ILDR2: variants seen among roughly 807,000 people sequenced by gnomAD.
ILDR2 encodes immunoglobulin like domain containing receptor 2.
In ILDR2, 25 loss-of-function variants were observed where a neutral mutation model predicts 66.8. The observed-to-expected ratio is 0.37, with a 90% confidence interval of 0.27 to 0.52. ILDR2 has a LOEUF of 0.52. Ranked by LOEUF, ILDR2 falls within the 20% of genes least tolerant of loss-of-function variation. The probability of loss-of-function intolerance (pLI) is 0.88; values close to 1 mark genes in which losing one functional copy is unlikely to be tolerated. For synonymous variants in ILDR2, 367 were observed against 357.2 expected, an observed-to-expected ratio of 1.03 and a Z score of -0.31; for missense variants, 827 against 876.8, an observed-to-expected ratio of 0.94 and a Z score of 0.72.
intron 3 of ILDR2, among the ~76,000 whole-genome samples, chr1:166,953,748 A>C (rs1484163512): frequency 6.6e-6 from 1 of 152,208 alleles, no homozygotes; most frequent in East Asian, 1.9e-4. Context: ...CTTATTCATC[A>C]AGGGAGTCAC....
At chr1:166,939,448 A>T in intron 4 of ILDR2, 66 bp downstream of exon 4, 1 of 1,311,408 alleles carries the variant, frequency 7.6e-7, no homozygotes, top group Non-Finnish European at 1.1e-6. Flanking sequence ...ATTAGCGACT[A>T]ATGCAGAAGC....
rs1018594466 is a variant in ILDR2 at position 166,913,355 on chromosome 1, C to A, written c.*6000G>T. On this transcript the variant is annotated 3_prime_UTR_variant, in exon 10 of 10. Transcript: ENST00000271417. ...AAAGACAACTGACAGGTGGCCCTCA[C>A]GAAGCCAACTTCTCACCCTTCTCTG... The A allele has an allele frequency of 2.0e-5, 3 of 152,158 alleles. No individual in the cohort carries two copies. Among genetic ancestry groups the A allele is most frequent in the South Asian group, 2.1e-4 (1 of 4,818 alleles). The allele number at this position is 152,158 out of a possible 1,614,324, so 9.4% of individuals were successfully genotyped here.
At chr1:166,927,317 T>C in intron 6 of ILDR2, 137 bp from the exon 7 acceptor site, 1 of 626,958 alleles carries the variant, frequency 1.6e-6, no homozygotes, top group Non-Finnish European at 2.8e-6. Flanking sequence ...AATAACGATC[T>C]ATATTTATAC....
At chr1:166,973,622 C>T (rs1021159408) in intron 1 of ILDR2, among the ~76,000 whole-genome samples, 2 of 135,906 alleles carry the variant, frequency 1.5e-5, no homozygotes, top group Admixed American at 1.4e-4. Flanking sequence ...TCCCCCCCCC[C>T]CCCGATGCCT....
rs993031136 is a variant in ILDR2, at chr1:166,913,871, C to G, written c.*5484G>C. ...GTGGCTCATGTCTGTAATACCAGCA[C>G]TTTAGGCAGCCAAGGTGGGAGGATC... On this transcript the variant is annotated 3_prime_UTR_variant, in exon 10 of 10. Transcript: ENST00000271417. 11 of 152,386 alleles carry G rather than the reference C, an allele frequency of 7.2e-5. No homozygotes were observed. Among genetic ancestry groups the G allele is most frequent in the Admixed American group, 1.3e-4 (2 of 15,302 alleles). The allele number at this position is 152,386 out of a possible 1,614,324, so 9.4% of individuals were successfully genotyped here. A position where few individuals can be genotyped will look rare whatever the true frequency, so the allele number is the denominator to read the frequency against.
intron 2 of ILDR2, 50 bp from the exon 3 acceptor site, chr1:166,956,902 G>GA (rs751031452): frequency 8.2e-6 from 13 of 1,594,008 alleles, no homozygotes; most frequent in East Asian, 2.3e-5. Flanking sequence ...TCCTCTGAAA[G>GA]AAAAACACTA....
chr1:166,936,823 G>T lies in ILDR2; in HGVS notation c.557-86C>A, dbSNP rs957306759. On this transcript the variant is annotated intron_variant, in intron 4 of 9. Coordinates refer to ENST00000271417, the MANE Select transcript of ILDR2 (RefSeq NM_199351.3). The surrounding 1 kb of genome is among the most constrained non-coding windows in gnomAD (Gnocchi z 5.0). ...TTTGATTGGCATCTCCCGGTGAAAGGGGGAGAGGAGGAGGGACCTAGGGAA... is the reference window on the plus strand; with the variant it reads ...TTTGATTGGCATCTCCCGGTGAAAGTGGGAGAGGAGGAGGGACCTAGGGAA... 1.8e-5 allele frequency: 24 copies of T among 1,310,386 alleles called. No homozygotes were observed. The highest frequency in any genetic ancestry group is 2.5e-5 in the Non-Finnish European group (23 of 924,142). 81.2% of individuals were successfully genotyped at this position (1,310,386 alleles called of 1,614,324 possible). A position where few individuals can be genotyped will look rare whatever the true frequency, so the allele number is the denominator to read the frequency against.
chr1:166,930,407 C>T (rs1660564263), intron 6 of ILDR2, among the ~76,000 whole-genome samples: 1 of 152,140 alleles, frequency 6.6e-6, no homozygotes, highest in African/African-American at 2.4e-5. Context: ...AATCTAAATT[C>T]CTCTAATTTG....
At chr1:166,922,151 C>T (rs914799468) in intron 8 of ILDR2, among the ~76,000 whole-genome samples, 1 of 152,028 alleles carries the variant, frequency 6.6e-6, no homozygotes, top group East Asian at 1.9e-4. Context: ...GGCATGATGG[C>T]TCATGCCTGT....
chr1:166,972,820 ATC>A (rs1663387620), intron 1 of ILDR2, among the ~76,000 whole-genome samples: 1 of 152,074 alleles, frequency 6.6e-6, no homozygotes, highest in Non-Finnish European at 1.5e-5. Flanking sequence ...CTCATTTTTA[ATC>A]TGTTCTTCCC....
intron 1 of ILDR2, 75 bp downstream of exon 1, chr1:166,975,148 G>T (rs1022411352): frequency 1.1e-5 from 14 of 1,260,454 alleles, no homozygotes; most frequent in East Asian, 2.3e-5. Flanking sequence ...AAATGGGGGG[G>T]CGGGGGGCGC....
chr1:166,904,671 C>T (rs1659312576), downstream of ILDR2, among the ~76,000 whole-genome samples: 2 of 152,184 alleles, frequency 1.3e-5, no homozygotes, highest in African/African-American at 2.4e-5. Context: ...AAAATCATGC[C>T]TGTTTTGCTT....
chr1:166,910,046 T>C lies in ILDR2; in HGVS notation c.*9309A>G, dbSNP rs1456292654. On this transcript the variant is annotated 3_prime_UTR_variant, in exon 10 of 10. Coordinates refer to ENST00000271417, the MANE Select transcript of ILDR2 (RefSeq NM_199351.3). ...AGAGACAGAGAGATTGATTCATCTT[T>C]GTACAGCTGAAGACTAGGGAATGGA... 2.0e-5 allele frequency: 3 copies of C among 151,928 alleles called. No individual in the cohort carries two copies. The highest frequency in any genetic ancestry group is 2.0e-4 in the Admixed American group (3 of 15,244). The allele number at this position is 151,928 out of a possible 1,614,324, so 9.4% of individuals were successfully genotyped here.
rs1659408693 is a variant in ILDR2, at chr1:166,909,147, C to T, written c.*10208G>A. 6.6e-6 allele frequency: 1 copy of T among 152,198 alleles called. No individual in the cohort carries two copies. The highest frequency in any genetic ancestry group is 2.1e-4 in the South Asian group (1 of 4,836). 9.4% of individuals were successfully genotyped at this position (152,198 alleles called of 1,614,324 possible). A position where few individuals can be genotyped will look rare whatever the true frequency, so the allele number is the denominator to read the frequency against. On this transcript the variant is annotated 3_prime_UTR_variant, in exon 10 of 10. Transcript: ENST00000271417. Reference sequence around the variant, plus strand: ...GATTAGCTCAGATATGGGCACATGACTCAATATGAGTTGACTGCAGTCTTT... The same window carrying T: ...GATTAGCTCAGATATGGGCACATGATTCAATATGAGTTGACTGCAGTCTTT...
chr1:166,951,699 T>C (rs940983421), intron 3 of ILDR2, among the ~76,000 whole-genome samples: 1 of 152,220 alleles, frequency 6.6e-6, no homozygotes, highest in Non-Finnish European at 1.5e-5. Context: ...GAATTAATTC[T>C]GCCATCTATG....
At chr1:166,906,321 A>C (rs964348208), downstream of ILDR2, among the ~76,000 whole-genome samples, 4 of 152,224 alleles carry the variant, frequency 2.6e-5, no homozygotes, top group Admixed American at 2.6e-4. Context: ...ACATGGTGAC[A>C]GGGCGAACAC....
rs145062248 is a variant in ILDR2, at chr1:166,919,696, A to T, written c.1885-306T>A. On this transcript the variant is annotated intron_variant, in intron 9 of 9. Transcript: ENST00000271417. Reference sequence around the variant, plus strand: ...TATTCCATAAACCTGAAATCGCCTGAAAGTTTCTTCCCTACTCATAGTACT... The same window carrying T: ...TATTCCATAAACCTGAAATCGCCTGTAAGTTTCTTCCCTACTCATAGTACT... Among the ~76,000 whole-genome samples the T allele has an allele frequency of 5.2e-4, 79 of 152,358 alleles. 2 individuals carry two copies. In the East Asian group the frequency reaches 0.015, roughly 28 times the overall value.
At chr1:166,959,206 C>A (rs1211943140) in intron 1 of ILDR2, among the ~76,000 whole-genome samples, 1 of 152,184 alleles carries the variant, frequency 6.6e-6, no homozygotes, top group Non-Finnish European at 1.5e-5. Flanking sequence ...CCTTCTCTGA[C>A]CAATAAGTTT....
In ILDR2 at chr1:166,913,163, A is replaced by T. The variant is rs1659509084; in HGVS notation, c.*6192T>A. ...TGAGGCCATTTAATGTCAGATCATG[A>T]TTAACCATAGTTGTGTTAATTATGA... is the stretch of plus-strand genomic sequence containing the variant. On this transcript the variant is annotated 3_prime_UTR_variant, in exon 10 of 10. Transcript: ENST00000271417. The T allele has an allele frequency of 6.6e-6, 1 of 152,236 alleles. No individual in the cohort carries two copies. Among genetic ancestry groups the T allele is most frequent in the Admixed American group, 6.5e-5 (1 of 15,288 alleles). 9.4% of individuals were successfully genotyped at this position (152,236 alleles called of 1,614,324 possible). A position where few individuals can be genotyped will look rare whatever the true frequency, so the allele number is the denominator to read the frequency against.
Sources: allele counts gnomAD v4.1 joint callset (sites outside exome capture counted in the v4.1 genomes callset), GRCh38; gene constraint gnomAD v4.1.1; non-coding constraint Gnocchi (gnomAD v3.1); transcripts MANE v1.5; gene names NCBI Gene and HGNC (gene_info 2026-07-23, HGNC 2026-07-21).